The following RUFY4 variants were observed in gnomAD, a reference collection of about 807,000 sequenced individuals.
RUFY4 encodes the protein RUN and FYVE domain-containing protein 4.
A neutral mutation model predicts 69.0 loss-of-function variants in RUFY4; 73 were observed. The observed-to-expected ratio is 1.06, with a 90% CI of 0.88 to 1.29. The LOEUF (loss-of-function observed/expected upper bound fraction) is 1.29. Ranked by LOEUF, RUFY4 falls within the 50% of genes most tolerant of loss-of-function variation. RUFY4 has a pLI of 0.00. For missense variants in RUFY4, 770 were observed against 705.6 expected (o/e 1.09, Z -1.03); for synonymous variants, 287 against 271.8 (o/e 1.06, Z -0.55).
In RUFY4 at chr2:218,060,743, T is replaced by C. The variant is rs539365220; in HGVS notation, c.-1071+2062T>C. The C allele has an allele frequency of 4.8e-5, 70 of 1,463,884 alleles. No individual in the cohort carries two copies. The African/African-American group carries it at 8.6e-4, about 18-fold the overall frequency. The allele number at this position is 1,463,884 out of a possible 1,614,324, so 90.7% of individuals were successfully genotyped here. On this transcript the variant is annotated intron_variant and NMD_transcript_variant, in intron 3 of 13. Coordinates refer to the RUFY4 transcript ENST00000457754. ...AGGGTGAATCTGTAGCAGAACAGCA[T>C]GATCGCAGCGGCACGATGAAGCCAA...
upstream of RUFY4, chr2:218,070,196 G>A: frequency 3.7e-6 from 1 of 269,528 alleles, no homozygotes; most frequent in South Asian, 4.4e-5. Context: ...CAGAACACAG[G>A]CCCTGTGGGC....
chr2:218,044,904 G>C (rs57811974), intron 2 of RUFY4, among the ~76,000 whole-genome samples: 6 of 152,132 alleles, frequency 3.9e-5, no homozygotes, highest in Non-Finnish European at 8.8e-5. Context: ...ATGAACATAT[G>C]TGTAGCTGTG....
chr2:218,052,745 TAAAAA>T (rs767229733), intron 2 of RUFY4, among the ~76,000 whole-genome samples: 1 of 144,742 alleles, frequency 6.9e-6, no homozygotes, highest in African/African-American at 2.6e-5. Flanking sequence ...TTTTTTTTTT[TAAAAA>T]AAAAAGATAA....
At position 218,083,390 on chromosome 2, in the gene RUFY4, C is replaced by T. The variant is rs918439729; in HGVS notation, c.1502+134C>T. ...AGACCTTTTATATAAGCTAACCCTT[C>T]TGTTTCTTTTAGCCACTCCCTGCTG... On this transcript the variant is annotated intron_variant, in intron 9 of 10. Transcript: ENST00000344321. The T allele has an allele frequency of 5.8e-6, 7 of 1,203,074 alleles. No homozygotes were observed. The African/African-American group carries it at 1.1e-4, about 19-fold the overall frequency. 74.5% of individuals were successfully genotyped at this position (1,203,074 alleles called of 1,614,324 possible). A position where few individuals can be genotyped will look rare whatever the true frequency, so the allele number is the denominator to read the frequency against.
intron 8 of RUFY4, among the ~76,000 whole-genome samples, chr2:218,077,672 G>A (rs894014964): frequency 5.9e-5 from 9 of 152,100 alleles, no homozygotes; most frequent in African/African-American, 1.9e-4. Flanking sequence ...GACACCAGTC[G>A]GACCCCAGCA....
chr2:218,080,740 G>A (rs1018258397), intron 8 of RUFY4, among the ~76,000 whole-genome samples: 1 of 152,168 alleles, frequency 6.6e-6, no homozygotes, highest in Non-Finnish European at 1.5e-5. Context: ...GTCCTGCCAG[G>A]CTCCATCAGC....
chr2:218,081,367 ATCT>A (rs1243591424), intron 8 of RUFY4, among the ~76,000 whole-genome samples: 4 of 152,278 alleles, frequency 2.6e-5, no homozygotes, highest in African/African-American at 9.6e-5. Flanking sequence ...CTGACTTTTC[ATCT>A]TCTGGGTCAG....
intron 8 of RUFY4, among the ~76,000 whole-genome samples, chr2:218,076,827 C>A (rs1430477882): frequency 2.6e-5 from 4 of 152,352 alleles, no homozygotes; most frequent in African/African-American, 9.6e-5. Flanking sequence ...TCTGCTGCCT[C>A]CCCTGGGCAG....
intron 2 of RUFY4, among the ~76,000 whole-genome samples, chr2:218,038,863 C>A (rs368142034): frequency 6.6e-6 from 1 of 152,104 alleles, no homozygotes; most frequent in African/African-American, 2.4e-5. Flanking sequence ...GGGTGCCAAG[C>A]AGTGTCTTTC....
chr2:218,038,595 T>A (rs562484989), intron 2 of RUFY4, among the ~76,000 whole-genome samples: 1 of 152,180 alleles, frequency 6.6e-6, no homozygotes, highest in Non-Finnish European at 1.5e-5. Context: ...GACCCCAAAT[T>A]AGATGATCAT....
intron 9 of RUFY4, among the ~76,000 whole-genome samples, chr2:218,085,341 C>G (rs761589976): frequency 6.6e-6 from 1 of 152,014 alleles, no homozygotes; most frequent in Non-Finnish European, 1.5e-5. Flanking sequence ...GAAAATACGA[C>G]CCTAAGCAAA....
chr2:218,063,222 C>T (rs1689242236), intron 3 of RUFY4, among the ~76,000 whole-genome samples: 1 of 152,216 alleles, frequency 6.6e-6, no homozygotes, highest in African/African-American at 2.4e-5. Context: ...GCCTTAGAGT[C>T]TAAGGGATGA....
At chr2:218,090,183 G>T in exon 11 of RUFY4, 1 of 494,720 alleles carries the variant, frequency 2.0e-6, no homozygotes, top group Non-Finnish European at 3.9e-6. Context: ...GAAGATCTAA[G>T]GCACCAGCAC....
intron 2 of RUFY4, among the ~76,000 whole-genome samples, chr2:218,053,596 G>A (rs1268267776): frequency 1.3e-5 from 2 of 152,012 alleles, no homozygotes; most frequent in Non-Finnish European, 2.9e-5. Flanking sequence ...TGCAAGCTCC[G>A]CCTCCCGGAT....
chr2:218,065,303 G>A (rs1483984123), upstream of RUFY4, among the ~76,000 whole-genome samples: 2 of 152,200 alleles, frequency 1.3e-5, no homozygotes, highest in African/African-American at 4.8e-5. Context: ...GGCAGCTTCA[G>A]TCTGCTCATT....
intron 10 of RUFY4, 36 bp downstream of exon 12, chr2:218,089,398 A>T (rs769900216): frequency 1.9e-6 from 3 of 1,581,314 alleles, no homozygotes; most frequent in South Asian, 2.3e-5. Context: ...CCTCTGGGAC[A>T]GCCCAGTTTC....
chr2:218,086,608 C>T (rs1333000977), intron 9 of RUFY4, among the ~76,000 whole-genome samples: 4 of 152,156 alleles, frequency 2.6e-5, no homozygotes, highest in African/African-American at 9.7e-5. Flanking sequence ...GGAGTAAAGA[C>T]ATTTTCACAT....
At chr2:218,089,320 G>A in exon 10 of RUFY4, 1 of 1,613,896 alleles carries the variant, frequency 6.2e-7, no homozygotes, top group Non-Finnish European at 8.5e-7. Context: ...TGTGTGGCCT[G>A]TAGCAAGATC....
chr2:218,040,030 A>C (rs1046767743), intron 2 of RUFY4, among the ~76,000 whole-genome samples: 1 of 152,202 alleles, frequency 6.6e-6, no homozygotes, highest in South Asian at 2.1e-4. Flanking sequence ...TGTAAAGTCA[A>C]ATCCTTCCCC....
Sources: allele counts gnomAD v4.1 joint callset (sites outside exome capture counted in the v4.1 genomes callset), GRCh38; gene constraint gnomAD v4.1.1; transcripts MANE v1.5; gene names NCBI Gene and HGNC (gene_info 2026-07-23, HGNC 2026-07-21).